Variants in SYTL5 observed in about 807,000 individuals in gnomAD.
SYTL5 encodes synaptotagmin-like protein 5.
SYTL5 carries 34 observed loss-of-function variants against 55.9 expected under a neutral mutation model. The observed-to-expected ratio is 0.61, with a 90% confidence interval of 0.46 to 0.81. The LOEUF (loss-of-function observed/expected upper bound fraction) is 0.81. Among genes scored for constraint, SYTL5 ranks in the 30% least tolerant of loss-of-function variants. SYTL5 has a pLI of 0.00. For synonymous variants in SYTL5, 221 were observed against 188.7 expected, an observed-to-expected ratio of 1.17 and a Z score of -1.40; for missense variants, 637 against 546.7, an observed-to-expected ratio of 1.17 and a Z score of -1.65.
Position 38,106,452 on chromosome X carries a change from G to A in SYTL5, c.1156-141G>A, listed in dbSNP as rs1306510988. ...ATTTTATACAACACCAGCCAAACAAGTGACTCTTGTTTTCTTTCCTCACCC... is the reference window on the plus strand; with the variant it reads ...ATTTTATACAACACCAGCCAAACAAATGACTCTTGTTTTCTTTCCTCACCC... On this transcript the variant is annotated intron_variant, in intron 10 of 16. Coordinates refer to ENST00000297875, the MANE Select transcript of SYTL5 (RefSeq NM_138780.3). The A allele has an allele frequency of 1.6e-5, 8 of 497,382 alleles. No homozygotes were observed. The South Asian group carries it at 4.1e-4, about 25-fold the overall frequency. 41.0% of individuals were successfully genotyped at this position (497,382 alleles called of 1,213,427 possible).
At chrX:38,019,613 C>CT (rs1208570296) in intron 1 of SYTL5, among the ~76,000 whole-genome samples, 1 of 111,526 alleles carries the variant, frequency 9.0e-6, no homozygotes, top group African/African-American at 3.3e-5. Flanking sequence ...AGCACAGTTT[C>CT]TTTTTTTGTT....
At chrX:38,063,035 T>A (rs1162819931) in intron 3 of SYTL5, among the ~76,000 whole-genome samples, 1 of 110,838 alleles carries the variant, frequency 9.0e-6, no homozygotes, top group African/African-American at 3.3e-5. Flanking sequence ...CTATAGTAAA[T>A]CCTTTCAAGT....
rs762039196 is a variant in SYTL5 at position 38,054,370 on chromosome X, C to G, written c.277C>G (p.Arg93Gly). 2 of 1,209,321 alleles carry G rather than the reference C, an allele frequency of 1.7e-6. No individual in the cohort carries two copies. The highest frequency in any genetic ancestry group is 2.2e-6 in the Non-Finnish European group (2 of 895,047). Reference protein sequence around the residue: ...ACSLRVCRECRVAGPNGSWKC... With the variant: ...ACSLRVCRECGVAGPNGSWKC... ...CTCACTGAGGGTATGCAGGGAGTGT[C>G]GAGTTGCAGGCCCCAATGGCAGCTG... Residue 93 changes from arginine (R) to glycine (G), a missense_variant, in exon 3 of 17, where the codon CGA (arginine) becomes GGA (glycine). Coordinates refer to ENST00000297875, the MANE Select transcript of SYTL5 (RefSeq NM_138780.3).
intron 2 of SYTL5, among the ~76,000 whole-genome samples, chrX:38,040,425 T>C (rs1935249416): frequency 9.0e-6 from 1 of 110,533 alleles, no homozygotes; most frequent in African/African-American, 3.3e-5. Context: ...GTCTTATTCA[T>C]ACTTTCTATT....
Position 38,122,188 on chromosome X carries a change from G to T in SYTL5, c.1814G>T (p.Gly605Val), listed in dbSNP as rs1448260647. 3 of 1,206,751 alleles carry T rather than the reference G, an allele frequency of 2.5e-6. No individual in the cohort carries two copies. Reference sequence around the variant, plus strand: ...AAGAATTTGACAGCAGTGAAGTCAGGAGGCACTTCTGATAGCTTTGTGAAG... The same window carrying T: ...AAGAATTTGACAGCAGTGAAGTCAGTAGGCACTTCTGATAGCTTTGTGAAG... Reference protein sequence around the residue: ...EAKNLTAVKSGGTSDSFVKGY... With the variant: ...EAKNLTAVKSVGTSDSFVKGY... The change falls in exon 15 of 17, where the codon GGA becomes GTA. Residue 605 changes from glycine (G) to valine (V), a missense_variant. Coordinates refer to ENST00000297875, the MANE Select transcript of SYTL5 (RefSeq NM_138780.3).
the SYTL5 span, among the ~76,000 whole-genome samples, chrX:37,977,700 T>TCACACACA: frequency 1.2e-4 from 10 of 82,559 alleles, no homozygotes; most frequent in South Asian, 7.6e-4. Flanking sequence ...GGACCAATGA[T>TCACACACA]CACACACACA....
the SYTL5 span, among the ~76,000 whole-genome samples, chrX:37,915,983 CA>C: frequency 9.0e-6 from 1 of 111,417 alleles, no homozygotes; most frequent in Non-Finnish European, 1.9e-5. Flanking sequence ...ATTCTTACCT[CA>C]CAGATCTTTT....
At chrX:37,977,906 T>C in the SYTL5 span, among the ~76,000 whole-genome samples, 1 of 111,100 alleles carries the variant, frequency 9.0e-6, no homozygotes, top group Non-Finnish European at 1.9e-5. Context: ...GTTTGAATTT[T>C]CCACTGGCAC....
intron 6 of SYTL5, among the ~76,000 whole-genome samples, chrX:38,080,277 T>C (rs1936497920): frequency 8.9e-6 from 1 of 111,969 alleles, no homozygotes. Context: ...ATGCATTTTG[T>C]TCAGTAAAAA....
At chrX:38,054,665 T>A (rs1006516) in intron 3 of SYTL5, among the ~76,000 whole-genome samples, 38,865 of 107,158 alleles carry the variant, frequency 0.36, 7,577 homozygotes, top group African/African-American at 0.73. Context: ...AATATTTTTT[T>A]AAAAATTGCA....
chrX:37,971,846 T>A, the SYTL5 span, among the ~76,000 whole-genome samples: 1 of 107,545 alleles, frequency 9.3e-6, no homozygotes. Context: ...AGCTGTGCCC[T>A]AGGTTCTTGT....
the SYTL5 span, among the ~76,000 whole-genome samples, chrX:37,920,115 C>T: frequency 9.0e-6 from 1 of 111,274 alleles, no homozygotes; most frequent in Non-Finnish European, 1.9e-5. Context: ...CTATTTGGCC[C>T]ATGTGGATTT....
At chrX:38,064,152 T>G (rs887879710) in intron 3 of SYTL5, among the ~76,000 whole-genome samples, 1 of 111,331 alleles carries the variant, frequency 9.0e-6, no homozygotes, top group Non-Finnish European at 1.9e-5. Flanking sequence ...TATTTCTTAT[T>G]GTGACCTCTG....
the SYTL5 span, among the ~76,000 whole-genome samples, chrX:37,903,898 T>C: frequency 2.8e-4 from 31 of 111,052 alleles, no homozygotes; most frequent in South Asian, 8.1e-3. Flanking sequence ...CACAGCACCT[T>C]TGTACACATT....
At chrX:38,059,300 T>C (rs1935875222) in intron 3 of SYTL5, among the ~76,000 whole-genome samples, 1 of 112,017 alleles carries the variant, frequency 8.9e-6, no homozygotes, top group Non-Finnish European at 1.9e-5. Context: ...GTGGTTTTGG[T>C]CATGTCTTTC....
At chrX:38,089,325 C>A in intron 6 of SYTL5, 121 bp from the exon 7 acceptor site, 1 of 793,312 alleles carries the variant, frequency 1.3e-6, no homozygotes, top group Non-Finnish European at 1.8e-6. Context: ...TCCAGTGTGA[C>A]TCTTGTGAAC....
chrX:38,034,537 G>A (rs941006846), intron 2 of SYTL5, among the ~76,000 whole-genome samples: 3 of 112,387 alleles, frequency 2.7e-5, no homozygotes, highest in South Asian at 3.7e-4. Context: ...GCACAGCTGC[G>A]AGAAGAAAGG....
chrX:38,072,144 A>T lies in SYTL5; in HGVS notation c.427A>T (p.Ile143Phe). ...VLGTDVVRQSILRRSPGAEEV... is the reference protein window; with the variant it reads ...VLGTDVVRQSFLRRSPGAEEV... Reference sequence around the variant, plus strand: ...CGGCACTGATGTTGTCCGACAGTCCATTTTAAGAAGAAGTCCAGGTAATTA... The same window carrying T: ...CGGCACTGATGTTGTCCGACAGTCCTTTTTAAGAAGAAGTCCAGGTAATTA... Residue 143 changes from isoleucine to phenylalanine, a missense_variant, in exon 4 of 17, where the codon ATT (isoleucine) becomes TTT (phenylalanine). Ile to Phe is a conservative substitution (Grantham distance 21). Transcript: ENST00000297875. The T allele has an allele frequency of 8.3e-7, 1 of 1,206,340 alleles. No homozygotes were observed. The highest frequency in any genetic ancestry group is 1.1e-6 in the Non-Finnish European group (1 of 890,983).
At chrX:38,059,391 T>C (rs1935878215) in intron 3 of SYTL5, among the ~76,000 whole-genome samples, 1 of 111,617 alleles carries the variant, frequency 9.0e-6, no homozygotes, top group African/African-American at 3.2e-5. Flanking sequence ...CTGTATAATA[T>C]GCCTCTATTG....
Sources: gnomAD v4.1 joint callset for allele counts (sites outside exome capture counted in the v4.1 genomes callset) on GRCh38, gnomAD v4.1.1 for gene constraint, MANE v1.5 for transcripts, NCBI Gene and HGNC (gene_info 2026-07-23, HGNC 2026-07-21) for gene names.